CDK17: variants seen among roughly 807,000 people sequenced by gnomAD.
CDK17 encodes cyclin dependent kinase 17.
CDK17 carries 24 observed loss-of-function variants against 77.6 expected under a neutral mutation model. The observed-to-expected ratio is 0.31, with a 90% confidence interval of 0.22 to 0.44. The LOEUF (loss-of-function observed/expected upper bound fraction) is 0.44, where lower values mean the gene tolerates loss of function less well. Among genes scored for constraint, CDK17 ranks in the 20% least tolerant of loss-of-function variants. CDK17 has a pLI of 1.00. For synonymous variants in CDK17, 203 were observed against 210.4 expected (o/e 0.96, Z 0.30); for missense variants, 429 against 622.5 (o/e 0.69, Z 3.31).
chr12:96,292,843 T>C (rs1732174320), intron 10 of CDK17, among the ~76,000 whole-genome samples: 1 of 147,840 alleles, frequency 6.8e-6, no homozygotes, highest in South Asian at 2.1e-4. Context: ...CCAGATTAGC[T>C]AAAAAAAAAA....
At chr12:96,390,065 T>C (rs892002246) in intron 1 of CDK17, among the ~76,000 whole-genome samples, 4 of 151,886 alleles carry the variant, frequency 2.6e-5, no homozygotes, top group African/African-American at 9.7e-5. Context: ...CCTGACCTCA[T>C]AATCCGCCTG....
intron 2 of CDK17, among the ~76,000 whole-genome samples, chr12:96,334,082 A>G (rs1953007876): frequency 6.6e-6 from 1 of 152,180 alleles, no homozygotes; most frequent in African/African-American, 2.4e-5. Flanking sequence ...ACAGGTAAGG[A>G]AGATCTGCCA....
At chr12:96,337,508 T>C (rs1288420468) in intron 1 of CDK17, among the ~76,000 whole-genome samples, 3 of 152,150 alleles carry the variant, frequency 2.0e-5, no homozygotes, top group South Asian at 2.1e-4. Flanking sequence ...TACTCCATCA[T>C]AGGCAGAAAT....
intron 1 of CDK17, among the ~76,000 whole-genome samples, chr12:96,349,221 A>T (rs1953273774): frequency 6.6e-6 from 1 of 152,210 alleles, no homozygotes; most frequent in African/African-American, 2.4e-5. Context: ...TGGGAGGCTA[A>T]GGCAGGTAGA....
rs1280539774 is a variant in CDK17, at chr12:96,289,156, T to C, written c.1118+11A>G. The C allele has an allele frequency of 6.2e-7, 1 of 1,613,034 alleles. No individual in the cohort carries two copies. Among genetic ancestry groups the C allele is most frequent in the Non-Finnish European group, 8.5e-7 (1 of 1,179,032 alleles). On this transcript the variant is annotated intron_variant, in intron 11 of 16. Coordinates refer to ENST00000261211, the MANE Select transcript of CDK17 (RefSeq NM_002595.5). ...AAATTATAAATGTCAGTGACATCTG[T>C]ATATATTTACCACATGTCAATCTGT...
chr12:96,333,999 T>C (rs1302078629), intron 2 of CDK17, among the ~76,000 whole-genome samples: 1 of 152,172 alleles, frequency 6.6e-6, no homozygotes, highest in African/African-American at 2.4e-5. Flanking sequence ...AGTATGTGCA[T>C]TCTAGTGGAA....
At position 96,282,304 on chromosome 12, in the gene CDK17, G is replaced by C. The variant is rs111254731; in HGVS notation, c.1456+205C>G. On this transcript the variant is annotated intron_variant, in intron 15 of 16. Transcript: ENST00000261211. Reference sequence around the variant, plus strand: ...TAAGTACTATTGGTTTCCTACAGAGGAGTGACAATGTGCTCAGTGTTACAA... The same window carrying C: ...TAAGTACTATTGGTTTCCTACAGAGCAGTGACAATGTGCTCAGTGTTACAA... 1.7e-3 allele frequency: 833 copies of C among 485,808 alleles called. 11 individuals are homozygous for C. Among genetic ancestry groups the C allele is most frequent in the African/African-American group, 0.014 (743 of 51,734 alleles). 30.1% of individuals were successfully genotyped at this position (485,808 alleles called of 1,614,324 possible). A position where few individuals can be genotyped will look rare whatever the true frequency, so the allele number is the denominator to read the frequency against.
chr12:96,352,204 T>C (rs778274302), intron 1 of CDK17, among the ~76,000 whole-genome samples: 5 of 152,094 alleles, frequency 3.3e-5, no homozygotes, highest in Non-Finnish European at 7.4e-5. Flanking sequence ...CTTCCAAGTA[T>C]TGAAGCTGAA....
At chr12:96,387,918 G>C (rs1336421223) in intron 1 of CDK17, among the ~76,000 whole-genome samples, 2 of 151,972 alleles carry the variant, frequency 1.3e-5, no homozygotes, top group Non-Finnish European at 2.9e-5. Flanking sequence ...GCTCCAGCCT[G>C]GGCAACAGAG....
chr12:96,351,022 A>G (rs938013887), intron 1 of CDK17, among the ~76,000 whole-genome samples: 3 of 152,208 alleles, frequency 2.0e-5, no homozygotes, highest in Non-Finnish European at 4.4e-5. Flanking sequence ...AAAAATGGGT[A>G]AAGGTCTTGA....
chr12:96,315,442 G>C (rs767346595), intron 3 of CDK17, among the ~76,000 whole-genome samples: 5 of 152,198 alleles, frequency 3.3e-5, no homozygotes, highest in Non-Finnish European at 7.4e-5. Context: ...GAAATTTTAT[G>C]GTGATATGTG....
At chr12:96,338,962 T>C (rs1953085337) in intron 1 of CDK17, among the ~76,000 whole-genome samples, 1 of 151,948 alleles carries the variant, frequency 6.6e-6, no homozygotes, top group African/African-American at 2.4e-5. Flanking sequence ...TAAATTCCCA[T>C]TCCTGTCCTT....
chr12:96,300,901 T>C (rs1054192282), intron 5 of CDK17, among the ~76,000 whole-genome samples: 1 of 150,308 alleles, frequency 6.7e-6, no homozygotes, highest in Non-Finnish European at 1.5e-5. Flanking sequence ...AACCTTTATA[T>C]ATACACAGTT....
chr12:96,364,276 CTGAG>C (rs1310205908), intron 1 of CDK17, among the ~76,000 whole-genome samples: 1 of 152,080 alleles, frequency 6.6e-6, no homozygotes, highest in Non-Finnish European at 1.5e-5. Flanking sequence ...GGTAAAATAC[CTGAG>C]TAAAACTGCT....
chr12:96,342,625 T>C (rs543075942), intron 1 of CDK17, among the ~76,000 whole-genome samples: 1 of 152,174 alleles, frequency 6.6e-6, no homozygotes, highest in African/African-American at 2.4e-5. Flanking sequence ...GAGCACTGAA[T>C]TAAAATTTCA....
At chr12:96,307,963 T>C (rs1952597951) in intron 5 of CDK17, among the ~76,000 whole-genome samples, 1 of 152,228 alleles carries the variant, frequency 6.6e-6, no homozygotes, top group Admixed American at 6.5e-5. Context: ...GTTTGTGTTA[T>C]ACTTTTTACC....
chr12:96,397,968 CTA>C (rs1954198351), intron 1 of CDK17, among the ~76,000 whole-genome samples: 1 of 152,188 alleles, frequency 6.6e-6, no homozygotes, highest in South Asian at 2.1e-4. Context: ...GAGCAGCAAG[CTA>C]TGACTGTTCG....
intron 5 of CDK17, among the ~76,000 whole-genome samples, chr12:96,302,366 A>G (rs919896750): frequency 6.6e-6 from 1 of 152,106 alleles, no homozygotes; most frequent in Non-Finnish European, 1.5e-5. Context: ...ACTTTACTCC[A>G]TAAAAAAGGC....
chr12:96,394,519 T>C (rs1474304958), intron 1 of CDK17, among the ~76,000 whole-genome samples: 1 of 152,032 alleles, frequency 6.6e-6, no homozygotes, highest in Non-Finnish European at 1.5e-5. Context: ...AATGTGTTAT[T>C]AAAAGGTAGA....
Sources: gnomAD v4.1 joint callset for allele counts (sites outside exome capture counted in the v4.1 genomes callset) on GRCh38, gnomAD v4.1.1 for gene constraint, MANE v1.5 for transcripts, NCBI Gene and HGNC (gene_info 2026-07-23, HGNC 2026-07-21) for gene names.